The following KAZN variants were observed in gnomAD, a reference collection of about 807,000 sequenced individuals.
KAZN encodes kazrin.
Under a neutral mutation model 87.4 loss-of-function variants are expected in KAZN, and 40 were observed. The observed-to-expected ratio is 0.46, with a 90% CI of 0.36 to 0.60. The LOEUF (loss-of-function observed/expected upper bound fraction) is 0.60. KAZN is among the 20% of genes least tolerant of loss of function. The pLI is 0.00. For missense variants in KAZN, 898 were observed against 1,073.9 expected (o/e 0.84, Z 2.29); for synonymous variants, 466 against 458.3 (o/e 1.02, Z -0.22).
At chr1:14,051,323 G>C (rs1462975659) in intron 1 of KAZN, among the ~76,000 whole-genome samples, 1 of 152,100 alleles carries the variant, frequency 6.6e-6, no homozygotes, top group Non-Finnish European at 1.5e-5. Flanking sequence ...CAAGGACAGG[G>C]CCCTAGGACA....
chr1:14,599,137 G>T lies in KAZN; in HGVS notation c.140G>T (p.Gly47Val), dbSNP rs949844188. ...GAACTGAGCGGCGGCGGCGGCCCCG[G>T]CCCGGGCCCGGGAGCCGCGGCCAGC... ...LAELSGGGGPGPGPGAAASAS... is the reference protein window; with the variant it reads ...LAELSGGGGPVPGPGAAASAS... The change falls in exon 1 of 15, where the codon GGC (glycine) becomes GTC (valine). Residue 47 changes from glycine to valine, a missense_variant. Gly to Val is a moderately radical substitution (Grantham distance 109). Coordinates refer to ENST00000376030, the MANE Select transcript of KAZN (RefSeq NM_201628.3). This position sits in a 1 kb window ranked among gnomAD's most constrained non-coding sequence, Gnocchi z 4.4. 2 of 1,461,686 alleles carry T rather than the reference G, an allele frequency of 1.4e-6. No individual in the cohort carries two copies. The highest frequency in any genetic ancestry group is 1.8e-6 in the Non-Finnish European group (2 of 1,112,146). 90.5% of individuals were successfully genotyped at this position (1,461,686 alleles called of 1,614,324 possible).
At chr1:14,880,672 C>A (rs1187461681) in intron 1 of KAZN, among the ~76,000 whole-genome samples, 1 of 152,132 alleles carries the variant, frequency 6.6e-6, no homozygotes, top group Non-Finnish European at 1.5e-5. Context: ...GGCTGTTGAC[C>A]CAAAGGCTGG....
intron 1 of KAZN, among the ~76,000 whole-genome samples, chr1:13,991,915 A>G (rs1246494111): frequency 6.6e-6 from 1 of 152,110 alleles, no homozygotes; most frequent in Non-Finnish European, 1.5e-5. Context: ...TCCGTGCCTT[A>G]CACAGTCTGT....
chr1:14,387,220 T>C (rs1233214963), intron 2 of KAZN, among the ~76,000 whole-genome samples: 1 of 152,090 alleles, frequency 6.6e-6, no homozygotes, highest in Non-Finnish European at 1.5e-5. Context: ...TCTTCTAAAT[T>C]TTTTTCAAAG....
intron 1 of KAZN, among the ~76,000 whole-genome samples, chr1:14,176,606 C>T (rs990290100): frequency 1.3e-5 from 2 of 152,144 alleles, no homozygotes; most frequent in African/African-American, 4.8e-5. Flanking sequence ...GCCAAGCTCC[C>T]CTCTAGCCCA....
intron 1 of KAZN, among the ~76,000 whole-genome samples, chr1:14,808,481 A>T (rs1646298749): frequency 6.7e-6 from 1 of 149,948 alleles, no homozygotes; most frequent in African/African-American, 2.5e-5. Context: ...TTTTTTTAGT[A>T]GAGACGGGGT....
chr1:15,054,556 G>A (rs1674738456), intron 4 of KAZN, among the ~76,000 whole-genome samples: 1 of 151,912 alleles, frequency 6.6e-6, no homozygotes, highest in Non-Finnish European at 1.5e-5. Flanking sequence ...GGAGACTGAG[G>A]CAGGAGAATT....
At chr1:14,474,032 T>C (rs1161248517) in intron 2 of KAZN, among the ~76,000 whole-genome samples, 1 of 152,360 alleles carries the variant, frequency 6.6e-6, no homozygotes, top group East Asian at 1.9e-4. Context: ...CCTAGTTCTA[T>C]TGTGTGTGTC....
Position 14,234,426 on chromosome 1 carries a change from G to A in KAZN, c.249+53834G>A, listed in dbSNP as rs1050896726. On this transcript the variant is annotated intron_variant, in intron 2 of 16. Transcript: ENST00000636203. Reference sequence around the variant, plus strand: ...TTAGGGGATGGGGGGCTAGGGGTGGGATAGCATTAGGAGAAATACCTAATG... The same window carrying A: ...TTAGGGGATGGGGGGCTAGGGGTGGAATAGCATTAGGAGAAATACCTAATG... Among the ~76,000 whole-genome samples, 4 of 152,068 alleles carry A rather than the reference G, an allele frequency of 2.6e-5. No individual in the cohort carries two copies. The South Asian group carries it at 8.3e-4, about 32-fold the overall frequency.
At chr1:14,127,726 T>A (rs2101723703) in intron 1 of KAZN, among the ~76,000 whole-genome samples, 1 of 152,324 alleles carries the variant, frequency 6.6e-6, no homozygotes, top group South Asian at 2.1e-4. Context: ...CTTGTGTCTG[T>A]ATCCAGTCTG....
intron 1 of KAZN, among the ~76,000 whole-genome samples, chr1:14,710,451 C>T (rs1408442577): frequency 1.3e-5 from 2 of 152,170 alleles, no homozygotes; most frequent in East Asian, 3.9e-4. Context: ...CCTAAAGGCC[C>T]TCCAGCTTCT....
At position 14,046,644 on chromosome 1, in the gene KAZN, G is replaced by A. The variant is rs186872085; in HGVS notation, c.92-133791G>A. Among the ~76,000 whole-genome samples, 26 of 152,304 alleles carry A rather than the reference G, an allele frequency of 1.7e-4. No homozygotes were observed. In the East Asian group the frequency reaches 4.6e-3, roughly 27 times the overall value. On this transcript the variant is annotated intron_variant, in intron 1 of 16. Transcript: ENST00000636203. ...TCTCAGACAGTCCCTGCACTCTCAT[G>A]ACCCTGAATGGTGGGGGTTTATTGA...
At chr1:14,902,029 G>A (rs1268835632) in intron 1 of KAZN, among the ~76,000 whole-genome samples, 1 of 152,094 alleles carries the variant, frequency 6.6e-6, no homozygotes, top group Non-Finnish European at 1.5e-5. Flanking sequence ...ACACAGAGAT[G>A]GCCAACCCAC....
chr1:14,753,490 G>A (rs1432273858), intron 1 of KAZN, among the ~76,000 whole-genome samples: 1 of 152,070 alleles, frequency 6.6e-6, no homozygotes, highest in Non-Finnish European at 1.5e-5. Flanking sequence ...ACTTTGGGAG[G>A]CTGAGGCTTG....
intron 1 of KAZN, among the ~76,000 whole-genome samples, chr1:14,075,505 C>A (rs1057297154): frequency 1.3e-5 from 2 of 152,004 alleles, no homozygotes; most frequent in African/African-American, 4.8e-5. Flanking sequence ...AACATAGAAG[C>A]AGTACAGATA....
chr1:14,850,981 C>A (rs1207376770), intron 1 of KAZN, among the ~76,000 whole-genome samples: 2 of 152,212 alleles, frequency 1.3e-5, no homozygotes, highest in Non-Finnish European at 2.9e-5. Flanking sequence ...CAGTCTTTCT[C>A]CACTCTGTCC....
chr1:14,714,522 T>C (rs1642678190), intron 1 of KAZN, among the ~76,000 whole-genome samples: 1 of 152,094 alleles, frequency 6.6e-6, no homozygotes, highest in South Asian at 2.1e-4. Context: ...GGGCCCTGGG[T>C]TGGGAATGTT....
At chr1:13,986,395 CT>C (rs1285691595) in intron 1 of KAZN, among the ~76,000 whole-genome samples, 21 of 151,952 alleles carry the variant, frequency 1.4e-4, no homozygotes, top group Non-Finnish European at 2.6e-4. Context: ...ACAAGTGTTG[CT>C]TATATAATAA....
intron 1 of KAZN, among the ~76,000 whole-genome samples, chr1:14,787,012 T>G (rs542582533): frequency 3.3e-5 from 5 of 152,190 alleles, no homozygotes; most frequent in African/African-American, 4.8e-5. Context: ...ACCAAACATC[T>G]TTAGACTTAG....
Sources: gnomAD v4.1 joint callset for allele counts (sites outside exome capture counted in the v4.1 genomes callset) on GRCh38, gnomAD v4.1.1 for gene constraint, Gnocchi (gnomAD v3.1) non-coding constraint, MANE v1.5 for transcripts, NCBI Gene and HGNC (gene_info 2026-07-23, HGNC 2026-07-21) for gene names.